The following BACH2 variants were observed in gnomAD, a reference collection of about 807,000 sequenced individuals.
BACH2 encodes BACH transcriptional regulator 2.
A neutral mutation model predicts 61.8 loss-of-function variants in BACH2; 5 were observed. The ratio of observed to expected loss-of-function variants is 0.08; its 90% CI spans 0.04 to 0.17. The LOEUF is 0.17. Ranked by LOEUF, BACH2 falls within the 10% of genes least tolerant of loss-of-function variation. The probability of loss-of-function intolerance (pLI) is 1.00; values close to 1 mark genes in which losing one functional copy is unlikely to be tolerated. For missense variants in BACH2, 824 were observed against 1,091.1 expected (o/e 0.76, Z 3.45); for synonymous variants, 446 against 440.1 (o/e 1.01, Z -0.17).
intron 3 of BACH2, among the ~76,000 whole-genome samples, chr6:90,213,788 T>C (rs1582493291): frequency 6.6e-6 from 1 of 152,210 alleles, no homozygotes; most frequent in East Asian, 1.9e-4. Context: ...ACTCAATATA[T>C]GCCAAATTTA....
chr6:89,952,124 C>A, intron 6 of BACH2: 1 of 513,264 alleles, frequency 1.9e-6, no homozygotes, highest in Non-Finnish European at 3.5e-6. Context: ...AAGATGACAA[C>A]GGGTTCAGTG....
intron 3 of BACH2, among the ~76,000 whole-genome samples, chr6:90,228,847 C>T (rs747697552): frequency 2.0e-5 from 3 of 152,178 alleles, no homozygotes; most frequent in South Asian, 4.1e-4. Context: ...ACAGACATGT[C>T]GCCAATATCA....
At chr6:89,970,565 T>C (rs897254790) in intron 6 of BACH2, among the ~76,000 whole-genome samples, 26 of 152,248 alleles carry the variant, frequency 1.7e-4, no homozygotes, top group Admixed American at 9.2e-4. Context: ...AATGTTTGTG[T>C]GTATGTGTGT....
intron 3 of BACH2, among the ~76,000 whole-genome samples, chr6:90,227,256 T>G (rs1479476439): frequency 1.3e-5 from 2 of 152,208 alleles, no homozygotes; most frequent in African/African-American, 4.8e-5. Context: ...ACCAGGAGTC[T>G]GCTCCACGCA....
At chr6:89,959,138 C>G (rs1400843669) in intron 6 of BACH2, among the ~76,000 whole-genome samples, 1 of 137,012 alleles carries the variant, frequency 7.3e-6, no homozygotes, top group Non-Finnish European at 1.6e-5. Context: ...CACACACACA[C>G]ACACACACAG....
chr6:90,296,202 A>G (rs1269649725), intron 1 of BACH2, among the ~76,000 whole-genome samples: 3 of 151,976 alleles, frequency 2.0e-5, no homozygotes, highest in Admixed American at 6.5e-5. Flanking sequence ...CGCCAGCAAA[A>G]TACAATGCGC....
At chr6:90,152,504 T>C (rs942154223) in intron 4 of BACH2, among the ~76,000 whole-genome samples, 2 of 152,234 alleles carry the variant, frequency 1.3e-5, no homozygotes, top group Non-Finnish European at 2.9e-5. Flanking sequence ...TTCCACAGGA[T>C]GATTAGATAA....
chr6:90,053,619 G>A (rs766245193), intron 5 of BACH2, among the ~76,000 whole-genome samples: 9 of 152,118 alleles, frequency 5.9e-5, no homozygotes, highest in Non-Finnish European at 1.3e-4. Context: ...TAAGTCTGCT[G>A]GTGGTAAACT....
At chr6:90,084,148 GT>G (rs1781833369) in intron 5 of BACH2, among the ~76,000 whole-genome samples, 1 of 152,072 alleles carries the variant, frequency 6.6e-6, no homozygotes, top group Non-Finnish European at 1.5e-5. Context: ...CTAATTCAGG[GT>G]TCTGGCTAGT....
intron 2 of BACH2, among the ~76,000 whole-genome samples, chr6:90,257,302 A>G (rs1256283252): frequency 6.6e-6 from 1 of 152,188 alleles, no homozygotes; most frequent in Non-Finnish European, 1.5e-5. Context: ...AGAAACCTCT[A>G]TAACGTTTTC....
At chr6:90,169,915 G>A (rs1767754557) in intron 4 of BACH2, among the ~76,000 whole-genome samples, 1 of 152,126 alleles carries the variant, frequency 6.6e-6, no homozygotes. Flanking sequence ...GCCTTTGTGG[G>A]AATTGGTGGG....
intron 4 of BACH2, among the ~76,000 whole-genome samples, chr6:90,147,867 C>A (rs1373758819): frequency 6.6e-6 from 1 of 152,084 alleles, no homozygotes; most frequent in African/African-American, 2.4e-5. Context: ...TTACAGAATA[C>A]TCTATCTAGA....
chr6:90,130,462 G>A (rs1399443247), intron 4 of BACH2, among the ~76,000 whole-genome samples: 1 of 152,174 alleles, frequency 6.6e-6, no homozygotes, highest in Non-Finnish European at 1.5e-5. Context: ...TTACAAATGT[G>A]GTTATCATTC....
intron 5 of BACH2, among the ~76,000 whole-genome samples, chr6:90,025,318 C>A (rs1012599381): frequency 6.6e-6 from 1 of 152,158 alleles, no homozygotes; most frequent in South Asian, 2.1e-4. Context: ...TGTAACCCCC[C>A]AGTTAAGAGT....
rs201864166 is a variant in BACH2 at position 90,058,819 on chromosome 6, G to A, written c.-13+30142C>T. 1.2e-3 allele frequency among the ~76,000 whole-genome samples: 190 copies of A among 152,136 alleles called. 1 individual carries two copies. Among genetic ancestry groups the A allele is most frequent in the African/African-American group, 4.4e-3 (184 of 41,498 alleles). ...GAACAGAGTCCTCAGAAATAATGCC[G>A]CATATCTACAACTATCTGATCTTTG... On this transcript the variant is annotated intron_variant, in intron 5 of 8. Transcript: ENST00000257749.
chr6:90,131,578 C>T (rs1305667140), intron 4 of BACH2, among the ~76,000 whole-genome samples: 13 of 152,202 alleles, frequency 8.5e-5, no homozygotes, highest in Admixed American at 6.5e-5. Context: ...TGGTCATTAA[C>T]GTAACCCTTT....
At chr6:90,009,172 A>C (rs1325364521) in intron 5 of BACH2, among the ~76,000 whole-genome samples, 1 of 152,246 alleles carries the variant, frequency 6.6e-6, no homozygotes, top group African/African-American at 2.4e-5. Flanking sequence ...GGTATTTTAA[A>C]ACTTGGTGGT....
intron 6 of BACH2, among the ~76,000 whole-genome samples, chr6:90,000,398 C>CT (rs769800347): frequency 1.2e-4 from 19 of 152,184 alleles, no homozygotes; most frequent in East Asian, 1.9e-4. Context: ...TATTTATTTG[C>CT]TTTTTTTTCA....
At chr6:90,210,475 A>T (rs1315329562) in intron 3 of BACH2, among the ~76,000 whole-genome samples, 1 of 152,158 alleles carries the variant, frequency 6.6e-6, no homozygotes, top group Non-Finnish European at 1.5e-5. Context: ...TCTATCAAGT[A>T]CTTTCCATCT....
Sources: allele counts gnomAD v4.1 joint callset (sites outside exome capture counted in the v4.1 genomes callset), GRCh38; gene constraint gnomAD v4.1.1; transcripts MANE v1.5; gene names NCBI Gene and HGNC (gene_info 2026-07-23, HGNC 2026-07-21).